The following EBF1 variants were observed in gnomAD, a reference collection of about 807,000 sequenced individuals.
The protein encoded by EBF1 is transcription factor COE1.
EBF1 carries 10 observed loss-of-function variants against 68.4 expected under a neutral mutation model. That is an observed-to-expected ratio of 0.15 (90% CI 0.09 to 0.25). The LOEUF is 0.25. Ranked by LOEUF, EBF1 falls within the 10% of genes least tolerant of loss-of-function variation. The probability of loss-of-function intolerance (pLI) is 1.00; values close to 1 mark genes in which losing one functional copy is unlikely to be tolerated. For missense variants in EBF1, 509 were observed against 794.4 expected (o/e 0.64, Z 4.32); for synonymous variants, 298 against 299.8 (o/e 0.99, Z 0.06).
rs530814059 is a variant in EBF1 at position 159,019,435 on chromosome 5, A to G, written c.554+53961T>C. ...TAACAGTACTGCAAATATAAATGAA[A>G]AATAAGTAATAATTTATGAAAACTG... On this transcript the variant is annotated intron_variant, in intron 6 of 15. Transcript: ENST00000313708. 3.0e-3 allele frequency among the ~76,000 whole-genome samples: 455 copies of G among 152,350 alleles called. 1 individual carries two copies. Among genetic ancestry groups the G allele is most frequent in the Non-Finnish European group, 4.5e-3 (308 of 68,036 alleles).
chr5:159,087,749 G>A (rs1294278626), intron 4 of EBF1, among the ~76,000 whole-genome samples: 1 of 152,034 alleles, frequency 6.6e-6, no homozygotes, highest in Non-Finnish European at 1.5e-5. Context: ...AAGGCCCTTT[G>A]CCTCCATGAT....
intron 15 of EBF1, among the ~76,000 whole-genome samples, chr5:158,705,333 G>A (rs150018805): frequency 6.6e-6 from 1 of 152,198 alleles, no homozygotes; most frequent in East Asian, 1.9e-4. Context: ...ATGGGATAGG[G>A]GAAAATCCAA....
intron 4 of EBF1, among the ~76,000 whole-genome samples, chr5:159,089,155 G>A (rs1180742561): frequency 6.6e-6 from 1 of 151,926 alleles, no homozygotes; most frequent in African/African-American, 2.4e-5. Context: ...ATTATTTTTT[G>A]ATACTCTCTT....
intron 6 of EBF1, among the ~76,000 whole-genome samples, chr5:159,070,480 G>C (rs1214826677): frequency 6.6e-6 from 1 of 152,116 alleles, no homozygotes; most frequent in Non-Finnish European, 1.5e-5. Flanking sequence ...ATGTCCCAAA[G>C]TCAGTGGCAG....
intron 6 of EBF1, among the ~76,000 whole-genome samples, chr5:159,024,931 C>T (rs116796360): frequency 0.016 from 2,379 of 152,290 alleles, 60 homozygotes; most frequent in African/African-American, 0.054. Flanking sequence ...AACATAGGTG[C>T]GCAGAGCCAC....
intron 8 of EBF1, among the ~76,000 whole-genome samples, chr5:158,815,953 T>C (rs1018680989): frequency 2.0e-5 from 3 of 152,256 alleles, no homozygotes; most frequent in African/African-American, 7.2e-5. Context: ...ATGACACAGC[T>C]GGATATTCTT....
At chr5:158,872,233 G>T (rs1797005537) in intron 6 of EBF1, among the ~76,000 whole-genome samples, 1 of 149,624 alleles carries the variant, frequency 6.7e-6, no homozygotes, top group Non-Finnish European at 1.5e-5. Context: ...GCCTCATTGT[G>T]TCACCCAGGC....
intron 10 of EBF1, among the ~76,000 whole-genome samples, chr5:158,770,088 C>T (rs1253373979): frequency 6.6e-6 from 1 of 152,114 alleles, no homozygotes; most frequent in Admixed American, 6.6e-5. Context: ...GAATATTACG[C>T]TATGCAAAAT....
At chr5:158,887,014 GA>G (rs749490592) in intron 6 of EBF1, among the ~76,000 whole-genome samples, 2 of 152,118 alleles carry the variant, frequency 1.3e-5, no homozygotes, top group Non-Finnish European at 2.9e-5. Flanking sequence ...AAAAAAAAGA[GA>G]GACTTTATAT....
intron 6 of EBF1, among the ~76,000 whole-genome samples, chr5:159,036,178 C>T (rs1289313250): frequency 6.6e-6 from 1 of 152,176 alleles, no homozygotes; most frequent in African/African-American, 2.4e-5. Context: ...TCAATTGTCG[C>T]ATCAGGGATG....
rs1778068148 is a variant in EBF1 at position 158,789,218 on chromosome 5, A to G, written c.909+7127T>C. Among the ~76,000 whole-genome samples the G allele has an allele frequency of 2.0e-5, 3 of 152,316 alleles. No homozygotes were observed. In the South Asian group the frequency reaches 6.2e-4, roughly 32 times the overall value. On this transcript the variant is annotated intron_variant, in intron 9 of 15. Coordinates refer to ENST00000313708, the MANE Select transcript of EBF1 (RefSeq NM_024007.5). ...GGACATGAAACATATTTAGAAAAAA[A>G]TAGGCAACTAGGAGTTATTTTAAAT...
intron 6 of EBF1, among the ~76,000 whole-genome samples, chr5:158,977,351 A>G (rs1042558635): frequency 3.3e-5 from 5 of 152,236 alleles, no homozygotes; most frequent in African/African-American, 9.6e-5. Flanking sequence ...TAGCTTGGAA[A>G]CTAAATACTA....
intron 6 of EBF1, among the ~76,000 whole-genome samples, chr5:158,840,365 T>C (rs1309816576): frequency 6.6e-6 from 1 of 152,178 alleles, no homozygotes; most frequent in African/African-American, 2.4e-5. Context: ...AGGAAGTATT[T>C]TCACTCATAC....
At chr5:158,773,534 G>A (rs893407288) in intron 10 of EBF1, among the ~76,000 whole-genome samples, 3 of 152,012 alleles carry the variant, frequency 2.0e-5, no homozygotes, top group Non-Finnish European at 4.4e-5. Flanking sequence ...ACTTTTGGGG[G>A]GTCAGGTGGT....
At chr5:158,786,677 A>G (rs1777512102) in intron 9 of EBF1, among the ~76,000 whole-genome samples, 1 of 152,176 alleles carries the variant, frequency 6.6e-6, no homozygotes, top group Non-Finnish European at 1.5e-5. Context: ...TTCCCTACTC[A>G]GGCCTGGCTC....
At chr5:159,076,261 T>G (rs1463082708) in intron 5 of EBF1, among the ~76,000 whole-genome samples, 2 of 152,076 alleles carry the variant, frequency 1.3e-5, no homozygotes, top group Non-Finnish European at 2.9e-5. Context: ...AATGAATAAT[T>G]TTATGAATGA....
chr5:158,825,319 C>G (rs1211416127), intron 7 of EBF1, among the ~76,000 whole-genome samples: 1 of 152,158 alleles, frequency 6.6e-6, no homozygotes, highest in Non-Finnish European at 1.5e-5. Context: ...TTAGGACTTA[C>G]AATTACATAA....
intron 6 of EBF1, among the ~76,000 whole-genome samples, chr5:158,934,603 AAG>A (rs1160022598): frequency 6.6e-6 from 1 of 152,240 alleles, no homozygotes; most frequent in African/African-American, 2.4e-5. Flanking sequence ...AATATTTGGA[AAG>A]AGTACAGAGT....
intron 6 of EBF1, among the ~76,000 whole-genome samples, chr5:158,855,892 G>A (rs1315075576): frequency 1.3e-5 from 2 of 152,182 alleles, no homozygotes; most frequent in Non-Finnish European, 2.9e-5. Flanking sequence ...GACACCCCCT[G>A]CCCTGCTCCA....
Sources: gnomAD v4.1 joint callset for allele counts (sites outside exome capture counted in the v4.1 genomes callset) on GRCh38, gnomAD v4.1.1 for gene constraint, MANE v1.5 for transcripts, NCBI Gene and HGNC (gene_info 2026-07-23, HGNC 2026-07-21) for gene names.